Variants in ERC2 observed in about 807,000 individuals in gnomAD.
ERC2 encodes ELKS/RAB6-interacting/CAST family member 2, also known as ERC protein 2.
ERC2 carries 42 observed loss-of-function variants against 114.8 expected under a neutral mutation model. The observed-to-expected ratio is 0.37, with a 90% CI of 0.29 to 0.47. The LOEUF (loss-of-function observed/expected upper bound fraction) is 0.47, where lower values mean the gene tolerates loss of function less well. Among genes scored for constraint, ERC2 ranks in the 20% least tolerant of loss-of-function variants. The pLI, the probability that ERC2 is intolerant of heterozygous loss-of-function variation, is 0.99. For missense variants in ERC2, 939 were observed against 1,150.7 expected (o/e 0.82, Z 2.66); for synonymous variants, 454 against 425.5 (o/e 1.07, Z -0.82).
chr3:56,151,749 G>A (rs576472074), intron 4 of ERC2, among the ~76,000 whole-genome samples: 2 of 152,228 alleles, frequency 1.3e-5, no homozygotes, highest in African/African-American at 4.8e-5. Flanking sequence ...TCCATATCAA[G>A]TCCTGATGTG....
intron 7 of ERC2, among the ~76,000 whole-genome samples, chr3:56,022,026 C>T (rs568249607): frequency 3.9e-5 from 6 of 152,200 alleles, no homozygotes; most frequent in South Asian, 2.1e-4. Context: ...AGTGCTGCAA[C>T]GAACATTCAC....
intron 17 of ERC2, among the ~76,000 whole-genome samples, chr3:55,672,338 C>CA (rs546940629): frequency 0.21 from 20,671 of 100,188 alleles, 1,926 homozygotes; most frequent in East Asian, 0.38. Flanking sequence ...GACCCTATCT[C>CA]AAAAAAAAAA....
chr3:55,518,261 A>G (rs1008753982), intron 17 of ERC2, among the ~76,000 whole-genome samples: 5 of 152,252 alleles, frequency 3.3e-5, no homozygotes, highest in Non-Finnish European at 7.3e-5. Flanking sequence ...AGATATGTAC[A>G]GTATATGCAT....
At chr3:55,577,723 G>A (rs2057056406) in intron 17 of ERC2, among the ~76,000 whole-genome samples, 1 of 152,134 alleles carries the variant, frequency 6.6e-6, no homozygotes, top group South Asian at 2.1e-4. Flanking sequence ...CTAGGTGGTG[G>A]CCACAGGTTC....
chr3:55,698,452 C>T (rs951870902), intron 16 of ERC2, among the ~76,000 whole-genome samples: 9 of 152,122 alleles, frequency 5.9e-5, no homozygotes, highest in Non-Finnish European at 1.2e-4. Context: ...CGGAGCATCA[C>T]AAGTACCTCC....
Position 55,949,002 on chromosome 3 carries a change from C to G in ERC2, c.2403+1423G>C, listed in dbSNP as rs75721807. The stretch of plus-strand genomic sequence containing the variant: ...TCTCACAACTACTCTGGAGCAGATG[C>G]AATTATTATCCTTGTTTTACGGAAT... On this transcript the variant is annotated intron_variant, in intron 13 of 17. Coordinates refer to ENST00000288221, the MANE Select transcript of ERC2 (RefSeq NM_015576.3). Among the ~76,000 whole-genome samples the G allele has an allele frequency of 5.1e-3, 769 of 152,276 alleles. 5 individuals are homozygous for G. Among genetic ancestry groups the G allele is most frequent in the African/African-American group, 0.017 (715 of 41,558 alleles).
intron 7 of ERC2, among the ~76,000 whole-genome samples, chr3:56,029,563 G>A (rs1411357619): frequency 6.6e-6 from 1 of 151,872 alleles, no homozygotes; most frequent in East Asian, 1.9e-4. Flanking sequence ...GATACTTTGT[G>A]GTTTTTTAGA....
chr3:55,859,344 T>C (rs1453139698), intron 14 of ERC2, among the ~76,000 whole-genome samples: 1 of 151,902 alleles, frequency 6.6e-6, no homozygotes, highest in Admixed American at 6.6e-5. Flanking sequence ...AACTCTAAAC[T>C]GTTTACTGTT....
chr3:56,110,327 G>A (rs1307450279), intron 6 of ERC2, among the ~76,000 whole-genome samples: 1 of 152,122 alleles, frequency 6.6e-6, no homozygotes. Context: ...TAATCCAAAT[G>A]TTCAAAGATA....
chr3:56,080,416 C>A lies in ERC2; in HGVS notation c.1641+401G>T, dbSNP rs567441004. On this transcript the variant is annotated intron_variant, in intron 7 of 17. Transcript: ENST00000288221. The stretch of plus-strand genomic sequence containing the variant: ...CTCCCAAAAATCTATATGGGCTTCA[C>A]AGAATAGGATCTACTACAGTTTATG... Among the ~76,000 whole-genome samples the A allele has an allele frequency of 2.0e-5, 3 of 152,232 alleles. No individual in the cohort carries two copies. The East Asian group carries it at 5.8e-4, about 29-fold the overall frequency.
intron 2 of ERC2, among the ~76,000 whole-genome samples, chr3:56,352,093 G>C (rs924131464): frequency 1.3e-5 from 2 of 152,066 alleles, no homozygotes; most frequent in African/African-American, 2.4e-5. Flanking sequence ...ATTTTATCCT[G>C]AAAGGAATGG....
chr3:56,465,086 T>C (rs2063483435), intron 1 of ERC2, among the ~76,000 whole-genome samples: 1 of 152,188 alleles, frequency 6.6e-6, no homozygotes, highest in Admixed American at 6.5e-5. Flanking sequence ...GCTTACATCT[T>C]GTAGCTTTTC....
At chr3:55,989,725 A>T (rs1379810521) in intron 11 of ERC2, among the ~76,000 whole-genome samples, 1 of 152,228 alleles carries the variant, frequency 6.6e-6, no homozygotes, top group Non-Finnish European at 1.5e-5. Context: ...CTGTAAAATG[A>T]GAATAATGAC....
rs551473564 is a variant in ERC2 at position 56,220,921 on chromosome 3, G to T, written c.1075-47401C>A. On this transcript the variant is annotated intron_variant, in intron 3 of 17. Coordinates refer to ENST00000288221, the MANE Select transcript of ERC2 (RefSeq NM_015576.3). ...CTGATACTGAAAAAAAGAAAAAAAA[G>T]ATGAATGTGTATTATATCAATGGGC... Among the ~76,000 whole-genome samples, 5 of 152,182 alleles carry T rather than the reference G, an allele frequency of 3.3e-5. No homozygotes were observed. The East Asian group carries it at 9.7e-4, about 29-fold the overall frequency.
chr3:55,601,183 C>T lies in ERC2; in HGVS notation c.*39+82611G>A, dbSNP rs377468608. Among the ~76,000 whole-genome samples the T allele has an allele frequency of 1.1e-4, 16 of 152,294 alleles. No individual in the cohort carries two copies. The South Asian group carries it at 3.3e-3, about 32-fold the overall frequency. On this transcript the variant is annotated intron_variant, in intron 17 of 17. Transcript: ENST00000288221. ...GGAATATAGCTCGCTATAACCAGAT[C>T]ATCTGTTTTTTTCCAAAAACCCAGA...
chr3:56,206,884 G>T (rs1029534191), intron 3 of ERC2, among the ~76,000 whole-genome samples: 4 of 152,150 alleles, frequency 2.6e-5, no homozygotes, highest in Admixed American at 6.5e-5. Flanking sequence ...ACTTGCCTAG[G>T]CAGGAATTTA....
intron 10 of ERC2, among the ~76,000 whole-genome samples, chr3:55,999,626 C>T (rs2149543367): frequency 6.6e-6 from 1 of 151,772 alleles, no homozygotes; most frequent in African/African-American, 2.4e-5. Context: ...ATAAGTATAT[C>T]ATTTACAATA....
intron 2 of ERC2, among the ~76,000 whole-genome samples, chr3:56,377,624 G>GC (rs977572339): frequency 6.6e-6 from 1 of 151,942 alleles, no homozygotes; most frequent in Non-Finnish European, 1.5e-5. Context: ...CACACATTAG[G>GC]CCCCCCAAAA....
chr3:55,537,608 G>T (rs185792554), intron 17 of ERC2, among the ~76,000 whole-genome samples: 28 of 152,276 alleles, frequency 1.8e-4, no homozygotes, highest in African/African-American at 6.3e-4. Flanking sequence ...GCTTACAAAG[G>T]CTGCATACTC....
Sources: gnomAD v4.1 joint callset for allele counts (sites outside exome capture counted in the v4.1 genomes callset) on GRCh38, gnomAD v4.1.1 for gene constraint, MANE v1.5 for transcripts, NCBI Gene and HGNC (gene_info 2026-07-23, HGNC 2026-07-21) for gene names.